Variants in IGF2BP3 observed in about 807,000 individuals in gnomAD.
IGF2BP3 encodes the protein insulin-like growth factor 2 mRNA-binding protein 3.
IGF2BP3 carries 9 observed loss-of-function variants against 73.8 expected under a neutral mutation model. The ratio of observed to expected loss-of-function variants is 0.12; its 90% confidence interval spans 0.07 to 0.21. IGF2BP3 has a LOEUF of 0.21. Ranked by LOEUF, IGF2BP3 falls within the 10% of genes least tolerant of loss-of-function variation. The pLI, the probability that IGF2BP3 is intolerant of heterozygous loss-of-function variation, is 1.00. For synonymous variants in IGF2BP3, 258 were observed against 256.7 expected (o/e 1.01, Z -0.05); for missense variants, 542 against 714.0 (o/e 0.76, Z 2.75).
chr7:23,313,160 T>G (rs1350089962), intron 13 of IGF2BP3, among the ~76,000 whole-genome samples: 1 of 152,234 alleles, frequency 6.6e-6, no homozygotes, highest in Non-Finnish European at 1.5e-5. Flanking sequence ...TTATATGTAT[T>G]AGAGACTAGA....
At chr7:23,404,763 G>A (rs1786776492) in intron 3 of IGF2BP3, among the ~76,000 whole-genome samples, 1 of 151,296 alleles carries the variant, frequency 6.6e-6, no homozygotes, top group South Asian at 2.1e-4. Flanking sequence ...CAAGTGGGGG[G>A]TGGGGGTGGG....
At chr7:23,369,692 T>A (rs1172673277) in intron 3 of IGF2BP3, among the ~76,000 whole-genome samples, 2 of 151,868 alleles carry the variant, frequency 1.3e-5, no homozygotes, top group Non-Finnish European at 2.9e-5. Flanking sequence ...AGTAGCCTAG[T>A]TTATTGACAC....
At chr7:23,381,575 TA>T (rs1236390053) in intron 3 of IGF2BP3, among the ~76,000 whole-genome samples, 1 of 152,118 alleles carries the variant, frequency 6.6e-6, no homozygotes, top group Non-Finnish European at 1.5e-5. Flanking sequence ...AGTTAAATTT[TA>T]ATTTTTTTTT....
At chr7:23,352,636 A>T (rs150026829) in intron 5 of IGF2BP3, among the ~76,000 whole-genome samples, 1 of 152,142 alleles carries the variant, frequency 6.6e-6, no homozygotes, top group East Asian at 1.9e-4. Context: ...AAAGTGCCCA[A>T]ATCTTGAGCA....
intron 2 of IGF2BP3, among the ~76,000 whole-genome samples, chr7:23,435,272 G>A (rs1193509699): frequency 9.2e-6 from 1 of 109,116 alleles, no homozygotes; most frequent in East Asian, 3.2e-4. Flanking sequence ...CAGCCCAGGC[G>A]ACAGAGCAAG....
chr7:23,443,836 C>T (rs976327092), intron 2 of IGF2BP3, among the ~76,000 whole-genome samples: 6 of 151,666 alleles, frequency 4.0e-5, no homozygotes, highest in Non-Finnish European at 5.9e-5. Context: ...GGTGAAACCC[C>T]GTCTCTACTA....
At chr7:23,418,584 C>T (rs574095610) in intron 3 of IGF2BP3, among the ~76,000 whole-genome samples, 192 bp downstream of exon 3, 1 of 152,250 alleles carries the variant, frequency 6.6e-6, no homozygotes. Context: ...GGTTTCTTAT[C>T]CCAAAGAGCA....
intron 3 of IGF2BP3, among the ~76,000 whole-genome samples, chr7:23,389,004 T>C (rs1043564531): frequency 6.6e-6 from 1 of 152,196 alleles, no homozygotes; most frequent in Non-Finnish European, 1.5e-5. Flanking sequence ...TCTTAATGGT[T>C]TCACATGTGT....
At chr7:23,346,200 G>A (rs1784824335) in intron 7 of IGF2BP3, 138 bp from the exon 8 acceptor site, 3 of 885,390 alleles carry the variant, frequency 3.4e-6, no homozygotes, top group South Asian at 1.9e-5. Context: ...AAAACTTGCT[G>A]ACAATTGGCC....
chr7:23,392,474 A>G (rs117846110), intron 3 of IGF2BP3, among the ~76,000 whole-genome samples: 6,028 of 143,674 alleles, frequency 0.042, 379 homozygotes, highest in East Asian at 0.32. Flanking sequence ...ATATATATGT[A>G]TATATATATA....
chr7:23,391,372 T>C (rs1786272382), intron 3 of IGF2BP3, among the ~76,000 whole-genome samples: 1 of 152,194 alleles, frequency 6.6e-6, no homozygotes, highest in Non-Finnish European at 1.5e-5. Flanking sequence ...AGTGCTGGGA[T>C]TACAGGTGTG....
intron 7 of IGF2BP3, among the ~76,000 whole-genome samples, chr7:23,346,750 G>A (rs543723043): frequency 4.6e-5 from 7 of 151,892 alleles, no homozygotes; most frequent in Admixed American, 1.3e-4. Context: ...ATGCCACCAC[G>A]CTCATCTAAT....
At position 23,470,483 on chromosome 7, in the gene IGF2BP3, T is replaced by C. The variant is rs1268751290; in HGVS notation, c.-373A>G. The C allele has an allele frequency of 6.5e-6, 1 of 153,386 alleles. No homozygotes were observed. The highest frequency in any genetic ancestry group is 2.4e-5 in the African/African-American group (1 of 41,190). 9.5% of individuals were successfully genotyped at this position (153,386 alleles called of 1,614,324 possible). The stretch of plus-strand genomic sequence containing the variant: ...GGCTTCGGCCAGCGGACTGTGAAAA[T>C]ATCACACTACGTGAGGCAGGCGCCG... On this transcript the variant is annotated 5_prime_UTR_variant, in exon 1 of 15. It adds an upstream start codon to the 5' untranslated region. Transcript: ENST00000258729.
chr7:23,389,452 T>C (rs537057240), intron 3 of IGF2BP3, among the ~76,000 whole-genome samples: 15 of 152,114 alleles, frequency 9.9e-5, no homozygotes, highest in African/African-American at 3.4e-4. Flanking sequence ...TGAGCCACCA[T>C]ACCCGACTAA....
At chr7:23,374,023 G>GTA (rs1785640739) in intron 3 of IGF2BP3, among the ~76,000 whole-genome samples, 1 of 152,192 alleles carries the variant, frequency 6.6e-6, no homozygotes, top group Non-Finnish European at 1.5e-5. Context: ...AGCCATGCTG[G>GTA]TATAGCCTGA....
intron 3 of IGF2BP3, among the ~76,000 whole-genome samples, chr7:23,416,487 T>C (rs1787193795): frequency 6.6e-6 from 1 of 152,252 alleles, no homozygotes; most frequent in Non-Finnish European, 1.5e-5. Flanking sequence ...TCACTCTATC[T>C]TCTGTATTTC....
chr7:23,358,282 C>T (rs555160766), intron 5 of IGF2BP3, among the ~76,000 whole-genome samples: 1 of 152,320 alleles, frequency 6.6e-6, no homozygotes, highest in South Asian at 2.1e-4. Flanking sequence ...TTCACAAGTA[C>T]ATCAAGGTCA....
At chr7:23,449,230 G>A (rs1788136490) in intron 2 of IGF2BP3, among the ~76,000 whole-genome samples, 1 of 151,772 alleles carries the variant, frequency 6.6e-6, no homozygotes, top group African/African-American at 2.4e-5. Flanking sequence ...CAGAATACCT[G>A]ATACAGGCCG....
At chr7:23,465,473 G>A (rs1788545561) in intron 2 of IGF2BP3, among the ~76,000 whole-genome samples, 1 of 152,138 alleles carries the variant, frequency 6.6e-6, no homozygotes, top group Admixed American at 6.5e-5. Context: ...CAGTAATTGG[G>A]AGCTAAGCTT....
Sources: gnomAD v4.1 joint callset for allele counts (sites outside exome capture counted in the v4.1 genomes callset) on GRCh38, gnomAD v4.1.1 for gene constraint, MANE v1.5 for transcripts, NCBI Gene and HGNC (gene_info 2026-07-23, HGNC 2026-07-21) for gene names.